The following LRP5 variants were observed in gnomAD, a reference collection of about 807,000 sequenced individuals.
LRP5 encodes LDL receptor related protein 5, also known as low-density lipoprotein receptor-related protein 5.
In LRP5, 62 loss-of-function variants were observed where a neutral mutation model predicts 154.1. The observed-to-expected ratio is 0.40, with a 90% confidence interval of 0.33 to 0.50. The LOEUF (loss-of-function observed/expected upper bound fraction) is 0.50. LRP5 is among the 20% of genes least tolerant of loss of function. The pLI is 0.55. For missense variants in LRP5, 1,915 were observed against 2,336.7 expected, an observed-to-expected ratio of 0.82 and a Z score of 3.72; for synonymous variants, 966 against 1,011.5, an observed-to-expected ratio of 0.96 and a Z score of 0.85.
In LRP5 at chr11:68,429,867, G is replaced by A. The variant is rs55634732; in HGVS notation, c.3763+167G>A. Among the ~76,000 whole-genome samples, 82 of 152,220 alleles carry A rather than the reference G, an allele frequency of 5.4e-4. 2 individuals are homozygous for A. The highest frequency in any genetic ancestry group is 1.9e-3 in the African/African-American group (79 of 41,540). The stretch of plus-strand genomic sequence containing the variant: ...CCTTTCTTTTCTACTATGTGCATTC[G>A]GTGCTATGAATTTTCCTCTAAGTAC... On this transcript the variant is annotated intron_variant, in intron 17 of 22. Transcript: ENST00000294304.
At chr11:68,397,972 T>TTGTGTGTGTGTGTGTG (rs113280059) in intron 7 of LRP5, among the ~76,000 whole-genome samples, 14,879 of 141,958 alleles carry the variant, frequency 0.1, 950 homozygotes, top group South Asian at 0.15. Context: ...CTGTGTGTGT[T>TTGTGTGTGTGTGTGTG]TGTGTGTGTG....
chr11:68,387,510 G>T (rs2098643696), intron 6 of LRP5, among the ~76,000 whole-genome samples: 2 of 152,242 alleles, frequency 1.3e-5, no homozygotes, highest in African/African-American at 4.8e-5. Context: ...AGCCCAGAGA[G>T]GCTCAGGGAC....
At chr11:68,347,279 A>T (rs943272412) in intron 1 of LRP5, among the ~76,000 whole-genome samples, 1 of 152,214 alleles carries the variant, frequency 6.6e-6, no homozygotes, top group Non-Finnish European at 1.5e-5. Context: ...ACAGGGGTGG[A>T]TGGGAAGCTG....
At chr11:68,304,166 T>G in the LRP5 span, among the ~76,000 whole-genome samples, 3 of 152,164 alleles carry the variant, frequency 2.0e-5, no homozygotes, top group African/African-American at 2.4e-5. Context: ...AATGGTTTCA[T>G]TGTCCAGGCA....
intron 1 of LRP5, among the ~76,000 whole-genome samples, chr11:68,317,940 G>T (rs184477429): frequency 6.6e-6 from 1 of 152,186 alleles, no homozygotes; most frequent in East Asian, 1.9e-4. Flanking sequence ...TTGTCCTGGG[G>T]GTGCGGGGAT....
the LRP5 span, among the ~76,000 whole-genome samples, chr11:68,299,634 G>A: frequency 6.7e-6 from 1 of 148,772 alleles, no homozygotes; most frequent in Admixed American, 6.7e-5. Flanking sequence ...CCAGGCTGGA[G>A]TACAGTGGCG....
At chr11:68,387,222 C>G (rs1196922023) in intron 6 of LRP5, among the ~76,000 whole-genome samples, 1 of 151,728 alleles carries the variant, frequency 6.6e-6, no homozygotes, top group African/African-American at 2.4e-5. Flanking sequence ...TCAAGTGATT[C>G]TCCTGCCTCA....
At chr11:68,369,686 A>G (rs2098633002) in intron 5 of LRP5, among the ~76,000 whole-genome samples, 2 of 152,134 alleles carry the variant, frequency 1.3e-5, no homozygotes, top group Non-Finnish European at 2.9e-5. Flanking sequence ...GCAAGAGAAC[A>G]TGTTGCCCTG....
chr11:68,374,323 G>GT (rs1225253936), intron 5 of LRP5, among the ~76,000 whole-genome samples: 2 of 152,194 alleles, frequency 1.3e-5, no homozygotes, highest in Non-Finnish European at 2.9e-5. Context: ...TCACTTATCA[G>GT]GGAAGTAGGT....
rs193230356 is a variant in LRP5 at position 68,345,507 on chromosome 11, G to C, written c.92-2340G>C. ...TCACCATGTTGGCCAGGCTGGTCTC[G>C]AACTCCTGACCTCAGGTGATCCACC... On this transcript the variant is annotated intron_variant, in intron 1 of 22. Transcript: ENST00000294304. 5.2e-3 allele frequency among the ~76,000 whole-genome samples: 782 copies of C among 151,516 alleles called. 6 individuals are homozygous for C. The highest frequency in any genetic ancestry group is 0.018 in the African/African-American group (749 of 41,276).
intron 5 of LRP5, among the ~76,000 whole-genome samples, chr11:68,375,234 C>T (rs559408033): frequency 2.0e-5 from 3 of 152,154 alleles, no homozygotes; most frequent in African/African-American, 4.8e-5. Context: ...TCCCCAGTTC[C>T]GTGTGCCCTG....
At chr11:68,408,996 C>T (rs1274720518) in intron 9 of LRP5, among the ~76,000 whole-genome samples, 1 of 141,670 alleles carries the variant, frequency 7.1e-6, no homozygotes, top group East Asian at 2.0e-4. Flanking sequence ...GCTGCAGTGA[C>T]CTGAGATTAC....
intron 2 of LRP5, among the ~76,000 whole-genome samples, chr11:68,357,028 C>T (rs750011084): frequency 6.6e-6 from 1 of 151,894 alleles, no homozygotes; most frequent in African/African-American, 2.4e-5. Context: ...CTCCCCCTCC[C>T]GGGTTCAAAT....
chr11:68,426,441 T>C (rs1383457641), intron 16 of LRP5, among the ~76,000 whole-genome samples: 1 of 151,716 alleles, frequency 6.6e-6, no homozygotes, highest in Non-Finnish European at 1.5e-5. Flanking sequence ...TTTTTTTTTT[T>C]TGAGTCAGGA....
intron 9 of LRP5, among the ~76,000 whole-genome samples, chr11:68,408,909 C>T (rs548348745): frequency 2.5e-4 from 38 of 150,482 alleles, no homozygotes; most frequent in African/African-American, 7.1e-4. Context: ...ATAAGTCGGG[C>T]GTAGTGGTGC....
Position 68,449,010 on chromosome 11 carries a change from C to T in LRP5, c.4788C>T (p.Thr1596=), listed in dbSNP as rs113442867. The T allele has an allele frequency of 0.018, 28,028 of 1,599,766 alleles. 327 individuals carry two copies. The highest frequency in any genetic ancestry group is 0.02 in the Middle Eastern group (120 of 6,032). The change falls in exon 23 of 23, where the codon ACC becomes ACT. Residue 1596 remains threonine, a synonymous_variant. Transcript: ENST00000294304. ...AEDSCPPSPA[T]ERSYFHLFPP... is the part of the protein sequence containing the mutation. ...ACAGCTGCCCGCCCTCGCCCGCCAC[C>T]GAGAGGAGCTACTTCCATCTCTTCC...
At chr11:68,407,024 A>G (rs1337416690) in intron 9 of LRP5, among the ~76,000 whole-genome samples, 1 of 152,090 alleles carries the variant, frequency 6.6e-6, no homozygotes, top group South Asian at 2.1e-4. Context: ...CTTTTGTGAA[A>G]TGCTTGTGTG....
At chr11:68,375,670 T>A (rs1003466121) in intron 5 of LRP5, among the ~76,000 whole-genome samples, 1 of 152,216 alleles carries the variant, frequency 6.6e-6, no homozygotes, top group African/African-American at 2.4e-5. Flanking sequence ...CTGGGAGAGT[T>A]CGGTAACACC....
At chr11:68,339,682 C>T (rs2098607806) in intron 1 of LRP5, among the ~76,000 whole-genome samples, 1 of 152,156 alleles carries the variant, frequency 6.6e-6, no homozygotes, top group African/African-American at 2.4e-5. Flanking sequence ...CTTTTTATGG[C>T]CCCTCTCACC....
Sources: allele counts gnomAD v4.1 joint callset (sites outside exome capture counted in the v4.1 genomes callset), GRCh38; gene constraint gnomAD v4.1.1; transcripts MANE v1.5; gene names NCBI Gene and HGNC (gene_info 2026-07-23, HGNC 2026-07-21).